SHROOM3: variants seen among roughly 807,000 people sequenced by gnomAD.
SHROOM3 encodes protein Shroom3.
Under a neutral mutation model 138.6 loss-of-function variants are expected in SHROOM3, and 47 were observed. The observed-to-expected ratio is 0.34, with a 90% CI of 0.27 to 0.43. The LOEUF is 0.43. Ranked by LOEUF, SHROOM3 falls within the 20% of genes least tolerant of loss-of-function variation. SHROOM3 has a pLI of 1.00. For missense variants in SHROOM3, 2,491 were observed against 2,596.5 expected (o/e 0.96, Z 0.88); for synonymous variants, 1,062 against 1,063.3 (o/e 1.00, Z 0.02).
At position 76,729,185 on chromosome 4, in the gene SHROOM3, G is replaced by A. The variant is rs146525942; in HGVS notation, c.456-1619G>A. Among the ~76,000 whole-genome samples the A allele has an allele frequency of 2.5e-3, 376 of 152,256 alleles. 2 individuals carry two copies. The highest frequency in any genetic ancestry group is 8.5e-3 in the African/African-American group (354 of 41,544). ...TGATAAGGAAACTCAGGGTGATTAC[G>A]AAATTTACCTGAGATCTAAAAGCTA... is the stretch of plus-strand genomic sequence containing the variant. On this transcript the variant is annotated intron_variant, in intron 3 of 10. Coordinates refer to ENST00000296043, the MANE Select transcript of SHROOM3 (RefSeq NM_020859.4).
rs1480051742 is a variant in SHROOM3, at chr4:76,659,343, C to A, written c.324-50813C>A. Among the ~76,000 whole-genome samples, 3 of 152,144 alleles carry A rather than the reference C, an allele frequency of 2.0e-5. No homozygotes were observed. In the East Asian group the frequency reaches 5.8e-4, roughly 29 times the overall value. On this transcript the variant is annotated intron_variant, in intron 2 of 10. Transcript: ENST00000296043. ...CAGGCACCTTGCCAAGAGGCCAGGCCCCATGACTGAGTTCTTTACTCCCCC... is the reference window on the plus strand; with the variant it reads ...CAGGCACCTTGCCAAGAGGCCAGGCACCATGACTGAGTTCTTTACTCCCCC...
intron 2 of SHROOM3, among the ~76,000 whole-genome samples, chr4:76,643,301 T>G (rs1463392471): frequency 6.6e-6 from 1 of 151,776 alleles, no homozygotes; most frequent in African/African-American, 2.4e-5. Flanking sequence ...TTACAAACAG[T>G]AGCTCAATTC....
Position 76,754,574 on chromosome 4 carries a change from C to T in SHROOM3, c.4091C>T (p.Ser1364Phe), listed in dbSNP as rs1343048411. Residue 1364 changes from serine (S) to phenylalanine (F), a missense_variant, in exon 7 of 11, where the codon TCT becomes TTT. Ser to Phe is a radical substitution (Grantham distance 155, BLOSUM62 -2). This residue lies in a region of SHROOM3 where 1,733 missense variants were observed against 1,661.6 expected (regional missense o/e 1.04). Transcript: ENST00000296043. Reference sequence around the variant, plus strand: ...ACCCCTCTGCCTTCAGCCATTCCCTCTGGCTACTGCTCACAGGACGGTCAG... The same window carrying T: ...ACCCCTCTGCCTTCAGCCATTCCCTTTGGCTACTGCTCACAGGACGGTCAG... ...IGTPLPSAIP[S>F]GYCSQDGQTG... 1.2e-6 allele frequency: 2 copies of T among 1,614,138 alleles called. No individual in the cohort carries two copies. Among genetic ancestry groups the T allele is most frequent in the Non-Finnish European group, 1.7e-6 (2 of 1,180,000 alleles).
At chr4:76,643,211 C>CAAAAAAA (rs34800196) in intron 2 of SHROOM3, among the ~76,000 whole-genome samples, 1 of 125,168 alleles carries the variant, frequency 8.0e-6, no homozygotes, top group African/African-American at 3.0e-5. Flanking sequence ...GATGCTGTCT[C>CAAAAAAA]AAAAAAAAAA....
chr4:76,634,364 T>G (rs1057502580), intron 2 of SHROOM3, among the ~76,000 whole-genome samples: 5 of 152,234 alleles, frequency 3.3e-5, no homozygotes, highest in Admixed American at 6.5e-5. Context: ...AGACTGGAAT[T>G]ATTTTTGTTG....
At chr4:76,757,008 G>A in intron 8 of SHROOM3, 71 bp downstream of exon 8, 2 of 1,609,552 alleles carry the variant, frequency 1.2e-6, no homozygotes, top group Admixed American at 3.3e-5. Context: ...GATAAGTCTA[G>A]GACTAGTTGC....
At chr4:76,608,593 A>ACAGAGATG in intron 2 of SHROOM3, among the ~76,000 whole-genome samples, 1 of 109,154 alleles carries the variant, frequency 9.2e-6, no homozygotes, top group African/African-American at 3.2e-5. Flanking sequence ...AGCATAGCAT[A>ACAGAGATG]GCATAGCATA....
intron 2 of SHROOM3, among the ~76,000 whole-genome samples, chr4:76,704,574 G>A (rs926557734): frequency 1.3e-5 from 2 of 152,244 alleles, no homozygotes; most frequent in Admixed American, 6.5e-5. Context: ...AGCTTGGCAA[G>A]TTTGGGGAAC....
intron 1 of SHROOM3, among the ~76,000 whole-genome samples, chr4:76,511,619 A>G (rs1296745833): frequency 6.6e-6 from 1 of 152,266 alleles, no homozygotes; most frequent in East Asian, 1.9e-4. Context: ...TTTACAAGAT[A>G]AAAACAACTT....
chr4:76,658,255 T>A (rs1013315013), intron 2 of SHROOM3, among the ~76,000 whole-genome samples: 3 of 152,200 alleles, frequency 2.0e-5, no homozygotes, highest in Admixed American at 2.0e-4. Context: ...CTACCTTAGT[T>A]GGAATTAATG....
intron 2 of SHROOM3, among the ~76,000 whole-genome samples, chr4:76,626,152 G>T (rs548317071): frequency 3.9e-5 from 6 of 152,266 alleles, no homozygotes; most frequent in Admixed American, 3.9e-4. Context: ...ACGTACGTAG[G>T]GCTGCTTCAT....
chr4:76,680,648 T>C (rs1719165782), intron 2 of SHROOM3, among the ~76,000 whole-genome samples: 2 of 152,252 alleles, frequency 1.3e-5, no homozygotes, highest in Admixed American at 1.3e-4. Flanking sequence ...GGGACTATCC[T>C]AAGTGCTTCA....
chr4:76,572,470 T>G (rs1257271262), intron 2 of SHROOM3, among the ~76,000 whole-genome samples: 1 of 152,190 alleles, frequency 6.6e-6, no homozygotes, highest in Non-Finnish European at 1.5e-5. Context: ...CTGAGGACTA[T>G]TCCCAGTGCA....
chr4:76,458,084 C>T (rs774743559), intron 1 of SHROOM3, among the ~76,000 whole-genome samples: 22 of 152,224 alleles, frequency 1.4e-4, no homozygotes, highest in Non-Finnish European at 3.1e-4. Flanking sequence ...TGAGTCACCA[C>T]GCCTGGCTGC....
intron 2 of SHROOM3, among the ~76,000 whole-genome samples, chr4:76,580,006 G>T (rs892776363): frequency 6.6e-6 from 1 of 152,180 alleles, no homozygotes; most frequent in African/African-American, 2.4e-5. Flanking sequence ...TCTTTTCATG[G>T]CACATGGGTT....
chr4:76,576,701 A>G (rs1349816520), intron 2 of SHROOM3, among the ~76,000 whole-genome samples: 1 of 152,140 alleles, frequency 6.6e-6, no homozygotes, highest in Non-Finnish European at 1.5e-5. Flanking sequence ...TGGATACCCC[A>G]TTCTTCATGA....
chr4:76,714,338 G>C (rs1720312063), intron 3 of SHROOM3, among the ~76,000 whole-genome samples: 1 of 152,052 alleles, frequency 6.6e-6, no homozygotes, highest in South Asian at 2.1e-4. Context: ...TTGTGACCTT[G>C]ACACTTTTGA....
intron 2 of SHROOM3, among the ~76,000 whole-genome samples, chr4:76,651,227 A>G (rs1193876748): frequency 1.3e-5 from 2 of 151,944 alleles, no homozygotes; most frequent in Non-Finnish European, 2.9e-5. Context: ...AAAGCACAAC[A>G]GGGTGACTAT....
chr4:76,555,365 G>A (rs1346580467), intron 1 of SHROOM3, among the ~76,000 whole-genome samples: 1 of 152,096 alleles, frequency 6.6e-6, no homozygotes, highest in Non-Finnish European at 1.5e-5. Context: ...GAGTTCTGTC[G>A]TTCATTCAGC....
Sources: gnomAD v4.1 joint callset for allele counts (sites outside exome capture counted in the v4.1 genomes callset) on GRCh38, gnomAD v4.1.1 for gene constraint, gnomAD v4.1.1 regional missense constraint, MANE v1.5 for transcripts, NCBI Gene and HGNC (gene_info 2026-07-23, HGNC 2026-07-21) for gene names.